The following THRAP3 variants were observed in gnomAD, a reference collection of about 807,000 sequenced individuals.
The protein encoded by THRAP3 is thyroid hormone receptor associated protein 3.
Under a neutral mutation model 101.0 loss-of-function variants are expected in THRAP3, and 16 were observed. The observed-to-expected ratio is 0.16, with a 90% CI of 0.11 to 0.24. The LOEUF (loss-of-function observed/expected upper bound fraction) is 0.24. Ranked by LOEUF, THRAP3 falls within the 10% of genes least tolerant of loss-of-function variation. The pLI is 1.00. For missense variants in THRAP3, 989 were observed against 1,202.7 expected, an observed-to-expected ratio of 0.82 and a Z score of 2.63; for synonymous variants, 407 against 422.6, an observed-to-expected ratio of 0.96 and a Z score of 0.45.
At chr1:36,216,310 A>G in the THRAP3 span, among the ~76,000 whole-genome samples, 1 of 151,892 alleles carries the variant, frequency 6.6e-6, no homozygotes, top group African/African-American at 2.4e-5. Flanking sequence ...ACCTGAGGTC[A>G]AGAGTTCAAG....
rs771220878 is a variant in THRAP3 at position 36,287,266 on chromosome 1, A to C, written c.1036A>C (p.Lys346Gln). The C allele has an allele frequency of 1.3e-6, 2 of 1,596,906 alleles. No homozygotes were observed. The highest frequency in any genetic ancestry group is 3.5e-5 in the Admixed American group (2 of 57,106). ...TGCTTCAGGAGGAGCAGCCTATACAAAGAGGCAAGTATCTCATTTCCCCTG... is the reference window on the plus strand; with the variant it reads ...TGCTTCAGGAGGAGCAGCCTATACACAGAGGCAAGTATCTCATTTCCCCTG... ...SAASGGAAYT[K>Q]RYLEEQKTEN... is the part of the protein sequence containing the mutation. Residue 346 changes from lysine (K) to glutamine (Q), a missense_variant, in exon 4 of 12, where the codon AAG (lysine) becomes CAG (glutamine). Coordinates refer to ENST00000354618, the MANE Select transcript of THRAP3 (RefSeq NM_005119.4).
At chr1:36,292,185 C>T (rs1557453397) in intron 6 of THRAP3, among the ~76,000 whole-genome samples, 1 of 149,548 alleles carries the variant, frequency 6.7e-6, no homozygotes, top group Non-Finnish European at 1.5e-5. Context: ...ACTTTAGGTG[C>T]ATCTCTGTGG....
At chr1:36,236,254 TGG>T (rs970398332) in intron 1 of THRAP3, among the ~76,000 whole-genome samples, 1 of 9,362 alleles carries the variant, frequency 1.1e-4, no homozygotes, top group African/African-American at 1.3e-4. Context: ...CATGACAGAC[TGG>T]GCGCAAAAAC....
chr1:36,270,032 A>G (rs1645567724), intron 2 of THRAP3, among the ~76,000 whole-genome samples: 1 of 152,186 alleles, frequency 6.6e-6, no homozygotes, highest in African/African-American at 2.4e-5. Context: ...GGATGATGGA[A>G]ACACTTGGGT....
chr1:36,230,121 AT>A (rs1258431766), intron 1 of THRAP3, among the ~76,000 whole-genome samples: 1 of 148,572 alleles, frequency 6.7e-6, no homozygotes, highest in Non-Finnish European at 1.5e-5. Context: ...CACCTGGTTA[AT>A]TTTTTTTCTT....
intron 5 of THRAP3, 78 bp downstream of exon 5, chr1:36,289,842 T>C: frequency 6.7e-7 from 1 of 1,496,214 alleles, no homozygotes; most frequent in Non-Finnish European, 8.9e-7. Flanking sequence ...CTGGGGACAT[T>C]CTGCTGTATT....
intron 1 of THRAP3, among the ~76,000 whole-genome samples, chr1:36,233,677 G>T (rs1003964853): frequency 6.6e-6 from 1 of 152,068 alleles, no homozygotes; most frequent in Non-Finnish European, 1.5e-5. Flanking sequence ...GAGGCAGGAG[G>T]ATTGCTTGAA....
At chr1:36,249,601 C>T (rs903570018) in intron 1 of THRAP3, among the ~76,000 whole-genome samples, 1 of 151,746 alleles carries the variant, frequency 6.6e-6, no homozygotes, top group Non-Finnish European at 1.5e-5. Context: ...TCACTGACTC[C>T]TTCTGGAGAA....
intron 2 of THRAP3, among the ~76,000 whole-genome samples, chr1:36,264,172 T>G (rs1003945234): frequency 6.6e-6 from 1 of 151,998 alleles, no homozygotes; most frequent in African/African-American, 2.4e-5. Flanking sequence ...CCATTCTCCT[T>G]CTTGTAGGCA....
intron 1 of THRAP3, among the ~76,000 whole-genome samples, chr1:36,229,686 C>T (rs1364276268): frequency 1.3e-5 from 2 of 151,732 alleles, no homozygotes; most frequent in African/African-American, 2.4e-5. Flanking sequence ...GAGTTTCGCT[C>T]TTGTTGCCCA....
chr1:36,237,668 G>A (rs1425986702), intron 1 of THRAP3, among the ~76,000 whole-genome samples: 1 of 152,008 alleles, frequency 6.6e-6, no homozygotes, highest in Non-Finnish European at 1.5e-5. Flanking sequence ...CTACTTGGGA[G>A]TCTGAGGCCG....
intron 1 of THRAP3, among the ~76,000 whole-genome samples, chr1:36,253,703 C>T (rs1305182792): frequency 2.6e-5 from 4 of 151,354 alleles, no homozygotes; most frequent in African/African-American, 9.8e-5. Context: ...AAGCGAGCCT[C>T]CTGTCCCAGC....
intron 1 of THRAP3, among the ~76,000 whole-genome samples, chr1:36,240,054 C>T (rs1645136812): frequency 6.6e-6 from 1 of 152,102 alleles, no homozygotes. Flanking sequence ...ACATGTAACA[C>T]ATAAGAACAG....
At chr1:36,214,532 C>G in the THRAP3 span, among the ~76,000 whole-genome samples, 1 of 152,082 alleles carries the variant, frequency 6.6e-6, no homozygotes, top group Non-Finnish European at 1.5e-5. Flanking sequence ...TGCCCTAATC[C>G]GTTCTCACAC....
rs1480746456 is a variant in THRAP3, at chr1:36,304,758, G to T, written c.*741G>T. On this transcript the variant is annotated 3_prime_UTR_variant, in exon 12 of 12. Coordinates refer to ENST00000354618, the MANE Select transcript of THRAP3 (RefSeq NM_005119.4). Reference sequence around the variant, plus strand: ...GATTTCTTCTGGGCTGGACTTCCCCGTTCTCCACCAGCAGCTCCAGTATCC... The same window carrying T: ...GATTTCTTCTGGGCTGGACTTCCCCTTTCTCCACCAGCAGCTCCAGTATCC... 8 of 214,168 alleles carry T rather than the reference G, an allele frequency of 3.7e-5. No individual in the cohort carries two copies. Among genetic ancestry groups the T allele is most frequent in the Non-Finnish European group, 1.9e-5 (2 of 105,928 alleles). The allele number at this position is 214,168 out of a possible 1,614,324, so 13.3% of individuals were successfully genotyped here.
At chr1:36,256,247 A>T (rs1372366366) in intron 1 of THRAP3, among the ~76,000 whole-genome samples, 1 of 149,766 alleles carries the variant, frequency 6.7e-6, no homozygotes, top group Non-Finnish European at 1.5e-5. Context: ...ACTTTTTGAG[A>T]TGGAGTCTTG....
chr1:36,212,607 T>C, the THRAP3 span, among the ~76,000 whole-genome samples: 1 of 151,864 alleles, frequency 6.6e-6, no homozygotes, highest in African/African-American at 2.4e-5. Flanking sequence ...TTTTAGTAGA[T>C]ATGGGGTTCA....
In THRAP3 at chr1:36,283,787, A is replaced by G. The variant is rs141284879; in HGVS notation, c.137+1087A>G. On this transcript the variant is annotated intron_variant, in intron 3 of 11. Transcript: ENST00000354618. ...TACTCTTGATGATTTCCAGAGCCCT[A>G]TAGTACTTCTAAGGGGTCTATTAAA... Among the ~76,000 whole-genome samples, 65 of 152,328 alleles carry G rather than the reference A, an allele frequency of 4.3e-4. No individual in the cohort carries two copies. In the East Asian group the frequency reaches 8.5e-3, roughly 20 times the overall value.
intron 1 of THRAP3, among the ~76,000 whole-genome samples, chr1:36,253,088 A>G (rs1330435508): frequency 6.6e-6 from 1 of 151,590 alleles, no homozygotes; most frequent in Non-Finnish European, 1.5e-5. Context: ...TTCAAAATTG[A>G]TGGCAAATAT....
Sources: gnomAD v4.1 joint callset for allele counts (sites outside exome capture counted in the v4.1 genomes callset) on GRCh38, gnomAD v4.1.1 for gene constraint, MANE v1.5 for transcripts, NCBI Gene and HGNC (gene_info 2026-07-23, HGNC 2026-07-21) for gene names.